The following RPS6KC1 variants were observed in gnomAD, a reference collection of about 807,000 sequenced individuals.
The protein encoded by RPS6KC1 is inactive ribosomal protein S6 kinase delta-1.
In RPS6KC1, 54 loss-of-function variants were observed where a neutral mutation model predicts 103.8. That is an observed-to-expected ratio of 0.52 (90% CI 0.42 to 0.65). RPS6KC1 has a LOEUF of 0.65. Among genes scored for constraint, RPS6KC1 ranks in the 30% least tolerant of loss-of-function variants. The pLI is 0.00. For synonymous variants in RPS6KC1, 439 were observed against 438.7 expected, an observed-to-expected ratio of 1.00 and a Z score of -0.01; for missense variants, 1,151 against 1,253.8, an observed-to-expected ratio of 0.92 and a Z score of 1.24.
At chr1:213,475,028 G>A in the RPS6KC1 span, among the ~76,000 whole-genome samples, 1 of 152,170 alleles carries the variant, frequency 6.6e-6, no homozygotes, top group Non-Finnish European at 1.5e-5. Flanking sequence ...GGGGCCTCAC[G>A]GAAGCTGTGA....
At chr1:213,396,177 A>G in the RPS6KC1 span, among the ~76,000 whole-genome samples, 1 of 152,122 alleles carries the variant, frequency 6.6e-6, no homozygotes, top group East Asian at 1.9e-4. Context: ...TGCATCACTG[A>G]TATCTAGGAA....
At chr1:213,703,012 T>TA in the RPS6KC1 span, among the ~76,000 whole-genome samples, 1 of 152,138 alleles carries the variant, frequency 6.6e-6, no homozygotes, top group Non-Finnish European at 1.5e-5. Context: ...TTCTTCCTTC[T>TA]GTCTTTCCTG....
At chr1:213,836,278 A>C in the RPS6KC1 span, among the ~76,000 whole-genome samples, 2 of 152,132 alleles carry the variant, frequency 1.3e-5, no homozygotes, top group Admixed American at 1.3e-4. Flanking sequence ...AATTCTCCCC[A>C]AATTATTTTT....
the RPS6KC1 span, among the ~76,000 whole-genome samples, chr1:213,749,271 G>A: frequency 1.3e-5 from 2 of 152,208 alleles, no homozygotes; most frequent in Non-Finnish European, 2.9e-5. Flanking sequence ...GCGGGCAGAA[G>A]GACAGCCATG....
At chr1:213,351,758 C>T in the RPS6KC1 span, among the ~76,000 whole-genome samples, 11 of 152,250 alleles carry the variant, frequency 7.2e-5, no homozygotes, top group East Asian at 9.7e-4. Context: ...AAGGTGGAAG[C>T]GGAGATTGGT....
At chr1:213,264,468 A>T (rs1279138691) in intron 14 of RPS6KC1, among the ~76,000 whole-genome samples, 1 of 152,164 alleles carries the variant, frequency 6.6e-6, no homozygotes, top group Admixed American at 6.5e-5. Flanking sequence ...TTCCTTAAAG[A>T]AGTAGTCATT....
At chr1:213,362,821 G>A in the RPS6KC1 span, among the ~76,000 whole-genome samples, 11 of 152,148 alleles carry the variant, frequency 7.2e-5, no homozygotes, top group African/African-American at 2.2e-4. Flanking sequence ...ATCAGTTGAA[G>A]CCCTTAATAG....
the RPS6KC1 span, among the ~76,000 whole-genome samples, chr1:213,283,767 A>G: frequency 1.3e-5 from 2 of 152,242 alleles, no homozygotes; most frequent in Non-Finnish European, 2.9e-5. Flanking sequence ...GGACAAGAGA[A>G]GGGTCCAGAG....
At chr1:213,340,052 C>A in the RPS6KC1 span, among the ~76,000 whole-genome samples, 1 of 152,162 alleles carries the variant, frequency 6.6e-6, no homozygotes, top group African/African-American at 2.4e-5. Flanking sequence ...GCCACCATGC[C>A]TGGCTAATTT....
the RPS6KC1 span, among the ~76,000 whole-genome samples, chr1:213,307,210 C>T: frequency 6.6e-6 from 1 of 151,942 alleles, no homozygotes; most frequent in Admixed American, 6.6e-5. Context: ...ACTACAGGTG[C>T]CCGCCACCAA....
At chr1:213,577,933 G>A in the RPS6KC1 span, among the ~76,000 whole-genome samples, 1 of 152,210 alleles carries the variant, frequency 6.6e-6, no homozygotes, top group Admixed American at 6.5e-5. Flanking sequence ...AAGTAACGAG[G>A]AGCCGAATGT....
chr1:213,194,639 C>G (rs2092871172), intron 8 of RPS6KC1, among the ~76,000 whole-genome samples: 1 of 152,182 alleles, frequency 6.6e-6, no homozygotes, highest in Admixed American at 6.5e-5. Context: ...TGAGCTCTGC[C>G]TGCTGTCAGA....
the RPS6KC1 span, among the ~76,000 whole-genome samples, chr1:213,785,610 A>G: frequency 3.9e-5 from 6 of 152,136 alleles, no homozygotes; most frequent in Non-Finnish European, 1.5e-5. Context: ...ACTCAATAGT[A>G]AAGCTATTAT....
At chr1:213,795,285 T>G in the RPS6KC1 span, among the ~76,000 whole-genome samples, 1 of 152,218 alleles carries the variant, frequency 6.6e-6, no homozygotes, top group African/African-American at 2.4e-5. Context: ...GGAATAGGAC[T>G]TTGTAACCTA....
At chr1:213,575,062 C>A in the RPS6KC1 span, among the ~76,000 whole-genome samples, 2 of 152,116 alleles carry the variant, frequency 1.3e-5, no homozygotes, top group African/African-American at 4.8e-5. Flanking sequence ...CCAGCTTAAA[C>A]CTCAGCTCTG....
the RPS6KC1 span, among the ~76,000 whole-genome samples, chr1:213,631,422 G>A: frequency 6.6e-6 from 1 of 151,516 alleles, no homozygotes; most frequent in African/African-American, 2.4e-5. Flanking sequence ...CTTACAGGGT[G>A]TATTGTATTC....
At chr1:213,575,795 G>C in the RPS6KC1 span, among the ~76,000 whole-genome samples, 1 of 152,158 alleles carries the variant, frequency 6.6e-6, no homozygotes, top group Non-Finnish European at 1.5e-5. Context: ...CTGAGCCCTT[G>C]TCAACAAATG....
chr1:213,506,892 A>G, the RPS6KC1 span, among the ~76,000 whole-genome samples: 1 of 152,104 alleles, frequency 6.6e-6, no homozygotes, highest in Non-Finnish European at 1.5e-5. Flanking sequence ...CCTGAGTGCT[A>G]TTACTTTTAG....
chr1:213,592,618 C>CT, the RPS6KC1 span, among the ~76,000 whole-genome samples: 2 of 152,136 alleles, frequency 1.3e-5, no homozygotes, highest in African/African-American at 4.8e-5. Context: ...TTTGTAACCA[C>CT]TTTTTTAGCT....
Sources: gnomAD v4.1 joint callset for allele counts (sites outside exome capture counted in the v4.1 genomes callset) on GRCh38, gnomAD v4.1.1 for gene constraint, MANE v1.5 for transcripts, NCBI Gene and HGNC (gene_info 2026-07-23, HGNC 2026-07-21) for gene names.